Variants in GATA4 observed in about 807,000 individuals in gnomAD.
The protein encoded by GATA4 is transcription factor GATA-4.
In GATA4, 7 loss-of-function variants were observed where a neutral mutation model predicts 37.9. The ratio of observed to expected loss-of-function variants is 0.18; its 90% CI spans 0.11 to 0.35. The LOEUF is 0.35. Ranked by LOEUF, GATA4 falls within the 10% of genes least tolerant of loss-of-function variation. GATA4 has a pLI of 1.00. For synonymous variants in GATA4, 372 were observed against 292.6 expected, an observed-to-expected ratio of 1.27 and a Z score of -2.77; for missense variants, 647 against 653.0, an observed-to-expected ratio of 0.99 and a Z score of 0.10.
upstream of GATA4, among the ~76,000 whole-genome samples, chr8:11,689,667 C>T (rs1799249915): frequency 1.3e-5 from 2 of 152,150 alleles, no homozygotes; most frequent in Non-Finnish European, 2.9e-5. Flanking sequence ...CCTCCCTTTA[C>T]CTCATCCTCA....
chr8:11,689,257 A>G (rs1799238393), upstream of GATA4, among the ~76,000 whole-genome samples: 1 of 152,234 alleles, frequency 6.6e-6, no homozygotes, highest in Non-Finnish European at 1.5e-5. Flanking sequence ...AGAAATGGGA[A>G]GACATTCACT....
chr8:11,734,452 C>T lies in GATA4; in HGVS notation c.617-14464C>T, dbSNP rs536709979. ...AGACCATCATCTCACTGCATCCACT[C>T]ATGGGGTGGGTGTAGGGAGATATCT... On this transcript the variant is annotated intron_variant, in intron 2 of 6. Coordinates refer to ENST00000532059, the MANE Select transcript of GATA4 (RefSeq NM_001308093.3). 7.4e-4 allele frequency among the ~76,000 whole-genome samples: 113 copies of T among 152,316 alleles called. No individual in the cohort carries two copies. In the South Asian group the frequency reaches 9.3e-3, roughly 13 times the overall value.
At position 11,709,537 on chromosome 8, in the gene GATA4, G is replaced by A. The variant is rs972165148; in HGVS notation, c.616+609G>A. On this transcript the variant is annotated intron_variant, in intron 2 of 6. Transcript: ENST00000532059. This position sits in a 1 kb window ranked among gnomAD's most constrained non-coding sequence, Gnocchi z 4.3. Reference sequence around the variant, plus strand: ...GAACAGGAGCCGGCACTGTGCGGGTGCCACCCGGCCGAGCGCGTGGGCGCA... The same window carrying A: ...GAACAGGAGCCGGCACTGTGCGGGTACCACCCGGCCGAGCGCGTGGGCGCA... Among the ~76,000 whole-genome samples the A allele has an allele frequency of 7.2e-6, 1 of 139,636 alleles. No homozygotes were observed. The highest frequency in any genetic ancestry group is 1.5e-5 in the Non-Finnish European group (1 of 64,710). The allele number at this position is 139,636 out of a possible 152,430, so 91.6% of individuals were successfully genotyped here.
chr8:11,690,847 G>T (rs369246081), upstream of GATA4, among the ~76,000 whole-genome samples: 1 of 152,150 alleles, frequency 6.6e-6, no homozygotes, highest in East Asian at 1.9e-4. Flanking sequence ...CTCCAACCTG[G>T]GTGAAAGGGA....
At chr8:11,694,265 T>A (rs1799436315) in intron 1 of GATA4, among the ~76,000 whole-genome samples, 1 of 152,230 alleles carries the variant, frequency 6.6e-6, no homozygotes, top group Admixed American at 6.5e-5. Context: ...TTCGAATAAT[T>A]CTGGATCAGA....
intron 2 of GATA4, among the ~76,000 whole-genome samples, chr8:11,747,302 C>A (rs927028481): frequency 1.3e-5 from 2 of 152,180 alleles, no homozygotes; most frequent in Admixed American, 6.5e-5. Context: ...CAGCCTGTCT[C>A]ACGAGGGTGA....
chr8:11,718,089 AGAG>A (rs1392582165), intron 2 of GATA4, among the ~76,000 whole-genome samples: 2 of 152,250 alleles, frequency 1.3e-5, no homozygotes, highest in African/African-American at 2.4e-5. Flanking sequence ...CAGAGAAAGA[AGAG>A]GAGAAAATCA....
chr8:11,677,135 T>G (rs1012424278), intron 1 of GATA4: 1 of 152,462 alleles, frequency 6.6e-6, no homozygotes, highest in African/African-American at 2.4e-5. Context: ...AATGGAAGGC[T>G]TGGGGAGTCT....
chr8:11,722,191 T>C (rs1326833323), intron 2 of GATA4, among the ~76,000 whole-genome samples: 2 of 152,064 alleles, frequency 1.3e-5, no homozygotes, highest in Non-Finnish European at 2.9e-5. Context: ...ATAATAAAAA[T>C]AGAGAGTAGA....
chr8:11,685,403 A>G (rs73535994), intron 1 of GATA4, among the ~76,000 whole-genome samples: 1,717 of 152,304 alleles, frequency 0.011, 36 homozygotes, highest in African/African-American at 0.038. Context: ...GTTTATTTGA[A>G]AGCAGAATAA....
At chr8:11,690,163 G>T (rs954923393), upstream of GATA4, among the ~76,000 whole-genome samples, 1 of 152,250 alleles carries the variant, frequency 6.6e-6, no homozygotes, top group Admixed American at 6.5e-5. Context: ...GGATGAAGGT[G>T]TGAAGAGGTG....
upstream of GATA4, among the ~76,000 whole-genome samples, chr8:11,690,147 A>T (rs1799263918): frequency 6.6e-6 from 1 of 152,222 alleles, no homozygotes; most frequent in Non-Finnish European, 1.5e-5. Flanking sequence ...ATCACCCACC[A>T]ATGGAGGATG....
At chr8:11,694,256 T>C (rs536149551) in intron 1 of GATA4, among the ~76,000 whole-genome samples, 1 of 152,362 alleles carries the variant, frequency 6.6e-6, no homozygotes, top group East Asian at 1.9e-4. Flanking sequence ...ATGAGGGAAT[T>C]CGAATAATTC....
intron 1 of GATA4, among the ~76,000 whole-genome samples, chr8:11,678,042 T>C (rs1418305391): frequency 2.1e-5 from 3 of 140,158 alleles, no homozygotes; most frequent in Non-Finnish European, 4.5e-5. Flanking sequence ...ATAATAATAA[T>C]AATAATAATA....
chr8:11,708,379 C>G lies in GATA4; in HGVS notation c.67C>G (p.Pro23Ala). ...CCCCGGTGCCTACGAGGCGGGCGGC[C>G]CCGGCGCCTTCATGCACGGCGCGGG... is the stretch of plus-strand genomic sequence containing the variant. Reference protein sequence around the residue: ...PPPGAYEAGGPGAFMHGAGAA... With the variant: ...PPPGAYEAGGAGAFMHGAGAA... The change falls in exon 2 of 7, where the codon CCC becomes GCC. Residue 23 changes from proline (P) to alanine (A), a missense_variant. By Grantham distance (27) the Pro-to-Ala change is conservative. Around this residue, in one of 5 missense-constraint regions of GATA4, gnomAD observed 379 missense variants for 334.5 expected, o/e 1.13. Transcript: ENST00000532059. This position sits in a 1 kb window ranked among gnomAD's most constrained non-coding sequence, Gnocchi z 6.7. The G allele has an allele frequency of 6.4e-7, 1 of 1,555,358 alleles. No homozygotes were observed. The highest frequency in any genetic ancestry group is 8.6e-7 in the Non-Finnish European group (1 of 1,158,100).
intron 4 of GATA4, among the ~76,000 whole-genome samples, chr8:11,754,156 A>C (rs1485344746): frequency 1.3e-5 from 2 of 152,300 alleles, no homozygotes; most frequent in East Asian, 3.9e-4. Context: ...TTACATCTCA[A>C]CTCACTGGGA....
chr8:11,712,049 C>T (rs1047675836), intron 2 of GATA4, among the ~76,000 whole-genome samples: 8 of 152,204 alleles, frequency 5.3e-5, no homozygotes, highest in Non-Finnish European at 1.2e-4. Context: ...CTCTCTCGGT[C>T]TCACCTCTTT....
intron 2 of GATA4, among the ~76,000 whole-genome samples, chr8:11,747,959 G>A (rs1176624173): frequency 6.6e-6 from 1 of 152,176 alleles, no homozygotes; most frequent in Admixed American, 6.5e-5. Flanking sequence ...TCACAAGGCC[G>A]GGTGTGGTGT....
At chr8:11,695,040 C>T (rs750450691) in intron 1 of GATA4, among the ~76,000 whole-genome samples, 5 of 152,198 alleles carry the variant, frequency 3.3e-5, no homozygotes, top group Non-Finnish European at 5.9e-5. Flanking sequence ...TGCTACCTTG[C>T]GCCCTGATGG....
Sources: allele counts gnomAD v4.1 joint callset (sites outside exome capture counted in the v4.1 genomes callset), GRCh38; gene constraint gnomAD v4.1.1; regional missense constraint gnomAD v4.1.1; non-coding constraint Gnocchi (gnomAD v3.1); transcripts MANE v1.5; gene names NCBI Gene and HGNC (gene_info 2026-07-23, HGNC 2026-07-21).